MAMDC2: variants seen among roughly 807,000 people sequenced by gnomAD.
The protein encoded by MAMDC2 is MAM domain-containing protein 2.
Under a neutral mutation model 89.8 loss-of-function variants are expected in MAMDC2, and 57 were observed. The observed-to-expected ratio is 0.63, with a 90% confidence interval of 0.51 to 0.79. MAMDC2 has a LOEUF of 0.79. Ranked by LOEUF, MAMDC2 falls within the 30% of genes least tolerant of loss-of-function variation. The pLI is 0.00. For synonymous variants in MAMDC2, 313 were observed against 293.4 expected, an observed-to-expected ratio of 1.07 and a Z score of -0.68; for missense variants, 800 against 820.6, an observed-to-expected ratio of 0.97 and a Z score of 0.31.
intron 10 of MAMDC2, among the ~76,000 whole-genome samples, 192 bp downstream of exon 10, chr9:70,168,987 CA>C (rs762516820): frequency 4.6e-4 from 70 of 152,294 alleles, no homozygotes; most frequent in Non-Finnish European, 6.8e-4. Flanking sequence ...TGTCTTTGTA[CA>C]TGTGACTTAA....
At chr9:70,066,263 G>A (rs1309833229) in intron 2 of MAMDC2, among the ~76,000 whole-genome samples, 2 of 152,210 alleles carry the variant, frequency 1.3e-5, no homozygotes, top group African/African-American at 4.8e-5. Context: ...CAAAATCCCT[G>A]AGGAAAGGGG....
intron 11 of MAMDC2, among the ~76,000 whole-genome samples, chr9:70,203,569 A>G (rs3968361): frequency 0.44 from 32,055 of 72,262 alleles, 7,146 homozygotes; most frequent in Middle Eastern, 0.59. Flanking sequence ...TCTTTGTGGC[A>G]TTCTCTGTAT....
chr9:70,066,218 G>C (rs1827259250), intron 2 of MAMDC2, among the ~76,000 whole-genome samples: 1 of 152,150 alleles, frequency 6.6e-6, no homozygotes, highest in Admixed American at 6.5e-5. Context: ...GACTCTCCAG[G>C]TTCCAAGTGC....
chr9:70,107,567 T>C (rs541752407), intron 2 of MAMDC2, among the ~76,000 whole-genome samples: 1 of 152,332 alleles, frequency 6.6e-6, no homozygotes, highest in Non-Finnish European at 1.5e-5. Context: ...CTCAGAACTA[T>C]GAAATTTGGT....
At chr9:70,128,224 A>G (rs2030647817) in intron 6 of MAMDC2, among the ~76,000 whole-genome samples, 2 of 152,254 alleles carry the variant, frequency 1.3e-5, no homozygotes, top group African/African-American at 4.8e-5. Flanking sequence ...ACATTGGCAC[A>G]GAGGCTGTGA....
chr9:70,089,930 C>T (rs1421620881), intron 2 of MAMDC2, among the ~76,000 whole-genome samples: 1 of 151,980 alleles, frequency 6.6e-6, no homozygotes, highest in Non-Finnish European at 1.5e-5. Context: ...GTCTTATACT[C>T]ATGTAAATAG....
intron 5 of MAMDC2, among the ~76,000 whole-genome samples, chr9:70,114,425 A>G (rs1017999863): frequency 1.3e-5 from 2 of 151,698 alleles, no homozygotes; most frequent in Non-Finnish European, 2.9e-5. Flanking sequence ...AAATTTCCCA[A>G]ATTTTTAAAA....
At chr9:70,194,344 C>T (rs1735181976) in intron 11 of MAMDC2, 1 of 152,072 alleles carries the variant, frequency 6.6e-6, no homozygotes. Flanking sequence ...AGAGACAAGA[C>T]CCTTAACAGG....
intron 11 of MAMDC2, among the ~76,000 whole-genome samples, chr9:70,193,441 T>G (rs1470834965): frequency 6.6e-6 from 1 of 152,126 alleles, no homozygotes; most frequent in African/African-American, 2.4e-5. Flanking sequence ...CAAGGGAGTA[T>G]TAACTATTGT....
chr9:70,153,442 A>G (rs1256400385), intron 9 of MAMDC2: 4 of 152,206 alleles, frequency 2.6e-5, no homozygotes, highest in Non-Finnish European at 5.9e-5. Context: ...ATGCTTGGTC[A>G]CCCATGGTAG....
intron 5 of MAMDC2, 72 bp downstream of exon 5, chr9:70,113,204 G>A: frequency 6.5e-7 from 1 of 1,543,308 alleles, no homozygotes; most frequent in South Asian, 1.2e-5. Context: ...TTCCTGCACT[G>A]ACCTAGCTGT....
At chr9:70,140,717 G>C (rs2031186403) in intron 8 of MAMDC2, among the ~76,000 whole-genome samples, 1 of 152,154 alleles carries the variant, frequency 6.6e-6, no homozygotes, top group Non-Finnish European at 1.5e-5. Flanking sequence ...ACTACATAGT[G>C]GTGATGGCTG....
At chr9:70,128,368 G>A (rs184883693) in intron 6 of MAMDC2, among the ~76,000 whole-genome samples, 1 of 152,124 alleles carries the variant, frequency 6.6e-6, no homozygotes, top group South Asian at 2.1e-4. Context: ...ATGTTAATTT[G>A]CCCCCTTCTC....
chr9:70,058,411 G>T (rs1032699089), intron 2 of MAMDC2, among the ~76,000 whole-genome samples: 1 of 152,166 alleles, frequency 6.6e-6, no homozygotes, highest in Non-Finnish European at 1.5e-5. Flanking sequence ...GGGTCTCAAA[G>T]GGTCCTTGTG....
At chr9:70,190,452 T>C (rs1048041703) in intron 11 of MAMDC2, among the ~76,000 whole-genome samples, 2 of 152,162 alleles carry the variant, frequency 1.3e-5, no homozygotes, top group Admixed American at 1.3e-4. Context: ...TGTTGGGTCA[T>C]GTCTTCAGTG....
At chr9:70,143,408 A>T in intron 8 of MAMDC2, 146 bp from the exon 9 acceptor site, 1 of 856,372 alleles carries the variant, frequency 1.2e-6, no homozygotes, top group Non-Finnish European at 1.8e-6. Context: ...TCTGTCACTT[A>T]AGCCACAGAC....
intron 10 of MAMDC2, chr9:70,170,148 A>G (rs1297673932): frequency 2.5e-5 from 6 of 242,924 alleles, no homozygotes; most frequent in African/African-American, 8.9e-5. Flanking sequence ...TATTTTCCAT[A>G]TTTTCATAAA....
chr9:70,075,459 A>G (rs1441278896), intron 2 of MAMDC2, among the ~76,000 whole-genome samples: 2 of 152,208 alleles, frequency 1.3e-5, no homozygotes, highest in African/African-American at 2.4e-5. Context: ...GATTATAAGG[A>G]TCTTCATTTT....
chr9:70,198,751 G>A, intron 11 of MAMDC2, among the ~76,000 whole-genome samples: 1 of 152,158 alleles, frequency 6.6e-6, no homozygotes. Context: ...ATGCTAATAA[G>A]TAAAGGTAGA....
Sources: gnomAD v4.1 joint callset for allele counts (sites outside exome capture counted in the v4.1 genomes callset) on GRCh38, gnomAD v4.1.1 for gene constraint, MANE v1.5 for transcripts, NCBI Gene and HGNC (gene_info 2026-07-23, HGNC 2026-07-21) for gene names.